MCM7: variants seen among roughly 807,000 people sequenced by gnomAD.
MCM7 encodes the protein minichromosome maintenance complex component 7.
A neutral mutation model predicts 83.5 loss-of-function variants in MCM7; 95 were observed. The observed-to-expected ratio is 1.14, with a 90% CI of 0.96 to 1.35. The LOEUF is 1.35. MCM7 is among the 40% of genes most tolerant of loss of function. The pLI is 0.00. For synonymous variants in MCM7, 461 were observed against 352.7 expected (o/e 1.31, Z -3.44); for missense variants, 1,087 against 957.4 (o/e 1.14, Z -1.79).
rs1795805716 is a variant in MCM7 at position 100,099,219 on chromosome 7, A to T, written c.402-16T>A. ...ATACAGCTCACTAAGGGGAGAAAAC[A>T]GTCACAAACAAGATCCTGGAGAACC... On this transcript the variant is annotated splice_polypyrimidine_tract_variant and intron_variant, in intron 4 of 14. Coordinates refer to ENST00000303887, the MANE Select transcript of MCM7 (RefSeq NM_005916.5). 1.2e-6 allele frequency: 2 copies of T among 1,613,924 alleles called. No individual in the cohort carries two copies. The highest frequency in any genetic ancestry group is 1.7e-6 in the Non-Finnish European group (2 of 1,179,944).
chr7:100,095,670 T>C lies in MCM7; in HGVS notation c.1595+104A>G, dbSNP rs778571298. 24 of 1,455,748 alleles carry C rather than the reference T, an allele frequency of 1.6e-5. 1 individual carries two copies. In the South Asian group the frequency reaches 2.7e-4, roughly 16 times the overall value. 90.2% of individuals were successfully genotyped at this position (1,455,748 alleles called of 1,614,324 possible). On this transcript the variant is annotated intron_variant, in intron 11 of 14. Coordinates refer to ENST00000303887, the MANE Select transcript of MCM7 (RefSeq NM_005916.5). Reference sequence around the variant, plus strand: ...CCAGCCCCTGCTGCAAAGGGGAGGCTCTGGGGTTTCCAGGAGCGTGGAATT... The same window carrying C: ...CCAGCCCCTGCTGCAAAGGGGAGGCCCTGGGGTTTCCAGGAGCGTGGAATT...
intron 12 of MCM7, 121 bp downstream of exon 12, chr7:100,095,266 G>A: frequency 1.2e-6 from 1 of 842,962 alleles, no homozygotes; most frequent in South Asian, 1.4e-5. Flanking sequence ...TGAGGCTCTG[G>A]ACATGTCTGT....
rs748507775 is a variant in MCM7, at chr7:100,097,867, C to T, written c.952G>A (p.Glu318Lys). 4.3e-6 allele frequency: 7 copies of T among 1,614,064 alleles called. No individual in the cohort carries two copies. Among genetic ancestry groups the T allele is most frequent in the Non-Finnish European group, 5.9e-6 (7 of 1,180,042 alleles). ...TGCCTCAGCTCCTCCCTGGTGAGCT[C>T]TCCAGCCCCAGACTCATCATCCTCA... ...KSEDDESGAG[E>K]LTREELRQIA... Residue 318 changes from glutamate to lysine, a missense_variant, in exon 8 of 15, where the codon GAG becomes AAG. Coordinates refer to ENST00000303887, the MANE Select transcript of MCM7 (RefSeq NM_005916.5).
chr7:100,100,224 C>T, intron 1 of MCM7, 131 bp from the exon 2 acceptor site: 1 of 1,442,170 alleles, frequency 6.9e-7, no homozygotes, highest in Non-Finnish European at 9.1e-7. Context: ...GAAGTCTCCC[C>T]AAAGTGGGCA....
At position 100,099,415 on chromosome 7, in the gene MCM7, G is replaced by GAAAAAAAA; in HGVS notation, c.277-13_277-12insTTTTTTTT. On this transcript the variant is annotated splice_polypyrimidine_tract_variant and intron_variant, in intron 3 of 14. Transcript: ENST00000303887. ...TCTTTATTTACCACCTAAAGGAGAA[G>GAAAAAAAA]AACAAAAAAAAAAAAAAAAAAGAGC... is the stretch of plus-strand genomic sequence containing the variant. 1 of 837,678 alleles carries GAAAAAAAA rather than the reference G, an allele frequency of 1.2e-6. No individual in the cohort carries two copies. Among genetic ancestry groups the GAAAAAAAA allele is most frequent in the South Asian group, 2.8e-5 (1 of 35,420 alleles). 51.9% of individuals were successfully genotyped at this position (837,678 alleles called of 1,614,324 possible).
At position 100,092,960 on chromosome 7, in the gene MCM7, G is replaced by GCATTGACCTGCCAGA. The variant is rs753649334; in HGVS notation, c.2117_2131dup (p.Val706_Asn710dup). 1 of 1,614,222 alleles carries GCATTGACCTGCCAGA rather than the reference G, an allele frequency of 6.2e-7. No individual in the cohort carries two copies. Among genetic ancestry groups the GCATTGACCTGCCAGA allele is most frequent in the Admixed American group, 1.7e-5 (1 of 60,026 alleles). ...GACAAAAGTGATCCGTGTCCGGGAAGCATTGACCTGCCAGACATTGAGCTC... is the reference window on the plus strand; with the variant it reads ...GACAAAAGTGATCCGTGTCCGGGAAGCATTGACCTGCCAGACATTGACCTGCCAGACATTGAGCTC... On this transcript the variant is annotated inframe_insertion, in exon 15 of 15. Coordinates refer to ENST00000303887, the MANE Select transcript of MCM7 (RefSeq NM_005916.5).
chr7:100,099,543 C>T, intron 3 of MCM7, 46 bp downstream of exon 3: 2 of 1,606,232 alleles, frequency 1.2e-6, no homozygotes, highest in Non-Finnish European at 1.7e-6. Flanking sequence ...TCTACAGAAG[C>T]TTAAACGCCT....
chr7:100,093,366 TTC>T lies in MCM7; in HGVS notation c.1882_1883del (p.Glu628ArgfsTer4), dbSNP rs1562891405. The T allele has an allele frequency of 6.2e-7, 1 of 1,613,990 alleles. No homozygotes were observed. Among genetic ancestry groups the T allele is most frequent in the African/African-American group, 1.3e-5 (1 of 74,930 alleles). ...TTAGCCTGATGGCTTCATTCACATC[TTC>T]TTTCTCCACCACATCCACCATTCTC... The part of the protein sequence containing the change: ...RLRMVDVVEK[E>X]DVNEAIRLME... On this transcript the variant is annotated frameshift_variant, in exon 14 of 15. Coordinates refer to ENST00000303887, the MANE Select transcript of MCM7 (RefSeq NM_005916.5). LOFTEE classifies it high-confidence loss of function.
rs540489715 is a variant in MCM7, at chr7:100,092,989, A to G, written c.2103T>C (p.Tyr701=). The G allele has an allele frequency of 6.2e-6, 10 of 1,614,244 alleles. No individual in the cohort carries two copies. Among genetic ancestry groups the G allele is most frequent in the African/African-American group, 1.3e-5 (1 of 75,062 alleles). Reference sequence around the variant, plus strand: ...TGACCTGCCAGACATTGAGCTCCTCATATTCATCCAGAGCCGCCTGGAACT... The same window carrying G: ...TGACCTGCCAGACATTGAGCTCCTCGTATTCATCCAGAGCCGCCTGGAACT... ...PAQFQAALDE[Y]EELNVWQVNA... The change falls in exon 15 of 15, where the codon TAT becomes TAC. Residue 701 remains tyrosine, a synonymous_variant. Coordinates refer to ENST00000303887, the MANE Select transcript of MCM7 (RefSeq NM_005916.5).
At position 100,099,703 on chromosome 7, in the gene MCM7, G is replaced by A. The variant is rs756393754; in HGVS notation, c.162C>T (p.Asp54=). 8.7e-6 allele frequency: 14 copies of A among 1,614,044 alleles called. No homozygotes were observed. The highest frequency in any genetic ancestry group is 1.6e-4 in the Middle Eastern group (1 of 6,084). ...CCAACTCGGGGTCATCCTCGGCTAC[G>A]TCGTCCAGGTCCACATACAGAGCCA... ...EQVALYVDLD[D]VAEDDPELVD... Residue 54 remains aspartate, a synonymous_variant, in exon 3 of 15, where the codon GAC becomes GAT. Coordinates refer to ENST00000303887, the MANE Select transcript of MCM7 (RefSeq NM_005916.5).
intron 10 of MCM7, 105 bp from the exon 11 acceptor site, chr7:100,096,272 C>G (rs973117682): frequency 1.8e-6 from 2 of 1,125,194 alleles, no homozygotes; most frequent in African/African-American, 3.1e-5. Context: ...TGGGATCATT[C>G]CACTCCCTCC....
At chr7:100,096,221 A>C in intron 10 of MCM7, 54 bp from the exon 11 acceptor site, 1 of 1,506,578 alleles carries the variant, frequency 6.6e-7, no homozygotes, top group African/African-American at 1.4e-5. Context: ...AAAGAGAACA[A>C]GCAAAAGACA....
Position 100,100,035 on chromosome 7 carries a change from C to CTGCTT in MCM7, c.85_89dup (p.Phe31SerfsTer27). ...TTACCAACTGGTTCCCATACTTGAACTGCTTCTTCCCGAGTTCATCATCCT... is the reference window on the plus strand; with the variant it reads ...TTACCAACTGGTTCCCATACTTGAACTGCTTTGCTTCTTCCCGAGTTCATCATCCT... On this transcript the variant is annotated frameshift_variant, in exon 2 of 15. Coordinates refer to ENST00000303887, the MANE Select transcript of MCM7 (RefSeq NM_005916.5). LOFTEE classifies it high-confidence loss of function. 5.6e-6 allele frequency: 9 copies of CTGCTT among 1,614,176 alleles called. No homozygotes were observed. Among genetic ancestry groups the CTGCTT allele is most frequent in the Non-Finnish European group, 7.6e-6 (9 of 1,179,996 alleles).
intron 1 of MCM7, 137 bp from the exon 2 acceptor site, chr7:100,100,230 G>A (rs1795899401): frequency 3.5e-6 from 5 of 1,434,828 alleles, no homozygotes; most frequent in South Asian, 1.5e-5. Context: ...TCCCCAAAGT[G>A]GGCATAACTC....
intron 11 of MCM7, 55 bp downstream of exon 11, chr7:100,095,719 C>T: frequency 6.6e-7 from 1 of 1,505,676 alleles, no homozygotes; most frequent in Non-Finnish European, 8.8e-7. Flanking sequence ...ACCTCTCCTC[C>T]TCCCTACACA....
In MCM7 at chr7:100,100,036, T is replaced by A; in HGVS notation, c.89A>T (p.Gln30Leu). ...FYQDDELGKK[Q>L]FKYGNQLVRL... Reference sequence around the variant, plus strand: ...TACCAACTGGTTCCCATACTTGAACTGCTTCTTCCCGAGTTCATCATCCTG... The same window carrying A: ...TACCAACTGGTTCCCATACTTGAACAGCTTCTTCCCGAGTTCATCATCCTG... Residue 30 changes from glutamine to leucine, a missense_variant, in exon 2 of 15, where the codon CAG becomes CTG. Transcript: ENST00000303887. 1 of 1,614,182 alleles carries A rather than the reference T, an allele frequency of 6.2e-7. No individual in the cohort carries two copies. Among genetic ancestry groups the A allele is most frequent in the Non-Finnish European group, 8.5e-7 (1 of 1,179,996 alleles).
At chr7:100,098,802 T>C (rs1032400894) in intron 5 of MCM7, 87 bp from the exon 6 acceptor site, 41 of 1,545,444 alleles carry the variant, frequency 2.7e-5, no homozygotes, top group Non-Finnish European at 3.6e-5. Context: ...TTTCTCTTCA[T>C]GGCAGACATC....
Position 100,094,317 on chromosome 7 carries a change from C to A in MCM7, c.1704G>T (p.Glu568Asp). 1 of 1,614,132 alleles carries A rather than the reference C, an allele frequency of 6.2e-7. No individual in the cohort carries two copies. Among genetic ancestry groups the A allele is most frequent in the East Asian group, 2.2e-5 (1 of 44,888 alleles). Residue 568 changes from glutamate to aspartate, a missense_variant, in exon 13 of 15, where the codon GAG becomes GAT. By Grantham distance (45) the Glu-to-Asp change is conservative. Coordinates refer to ENST00000303887, the MANE Select transcript of MCM7 (RefSeq NM_005916.5). ...GAGACTCTGGCACCATGGGCTGCTTCTCGCGGCACATGGCTATGTAACGCC... is the reference window on the plus strand; with the variant it reads ...GAGACTCTGGCACCATGGGCTGCTTATCGCGGCACATGGCTATGTAACGCC... ...LMRRYIAMCREKQPMVPESLA... is the reference protein window; with the variant it reads ...LMRRYIAMCRDKQPMVPESLA...
chr7:100,099,026 C>T lies in MCM7; in HGVS notation c.579G>A (p.Gln193=), dbSNP rs1383470370. Residue 193 remains glutamine (Q), a synonymous_variant, in exon 5 of 15, where the codon CAG becomes CAA. Transcript: ENST00000303887. ...TCDQCGAETY[Q]PIQSPTFMPL... Reference sequence around the variant, plus strand: ...CTGCTTCTTGCTCCACACGTACCGGCTGGTAGGTCTCTGCCCCACACTGGT... The same window carrying T: ...CTGCTTCTTGCTCCACACGTACCGGTTGGTAGGTCTCTGCCCCACACTGGT... 1.9e-6 allele frequency: 3 copies of T among 1,614,048 alleles called. No individual in the cohort carries two copies. The highest frequency in any genetic ancestry group is 2.7e-5 in the African/African-American group (2 of 74,926).
Sources: allele counts gnomAD v4.1 joint callset, GRCh38; gene constraint gnomAD v4.1.1; transcripts MANE v1.5; gene names NCBI Gene and HGNC (gene_info 2026-07-23, HGNC 2026-07-21).